Variants in BBS2 observed in about 807,000 individuals in gnomAD.
BBS2 encodes BBSome complex member BBS2.
In BBS2, 62 loss-of-function variants were observed where a neutral mutation model predicts 83.0. The observed-to-expected ratio is 0.75, with a 90% CI of 0.61 to 0.92. BBS2 has a LOEUF of 0.92. Among genes scored for constraint, BBS2 ranks in the 40% least tolerant of loss-of-function variants. The pLI, the probability that BBS2 is intolerant of heterozygous loss-of-function variation, is 0.00. For synonymous variants in BBS2, 303 were observed against 326.1 expected, an observed-to-expected ratio of 0.93 and a Z score of 0.76; for missense variants, 784 against 901.0, an observed-to-expected ratio of 0.87 and a Z score of 1.66.
At position 56,499,860 on chromosome 16, in the gene BBS2, G is replaced by A. The variant is rs1964212388; in HGVS notation, c.1445C>T (p.Ser482Phe). Residue 482 changes from serine (S) to phenylalanine (F), a missense_variant, in exon 12 of 17, where the codon TCC becomes TTC. Physicochemically the swap from Ser to Phe is radical, Grantham distance 155. Transcript: ENST00000245157. ...FESTRQLPRFSMYALTSLDPA... is the reference protein window; with the variant it reads ...FESTRQLPRFFMYALTSLDPA... ...GTCCAGGCTGGTCAGCGCATACATGGAGAATCGAGGGAGCTGTCTTGTCGA... is the reference window on the plus strand; with the variant it reads ...GTCCAGGCTGGTCAGCGCATACATGAAGAATCGAGGGAGCTGTCTTGTCGA... 6.2e-7 allele frequency: 1 copy of A among 1,614,148 alleles called. No individual in the cohort carries two copies. The highest frequency in any genetic ancestry group is 8.5e-7 in the Non-Finnish European group (1 of 1,180,022).
At chr16:56,473,234 A>G (rs140547138) in intron 17 of BBS2, among the ~76,000 whole-genome samples, 1 of 152,266 alleles carries the variant, frequency 6.6e-6, no homozygotes, top group South Asian at 2.1e-4. Context: ...CTGGCCACCA[A>G]AGCAGTTTTA....
intron 15 of BBS2, among the ~76,000 whole-genome samples, chr16:56,492,146 A>G (rs958038364): frequency 6.6e-6 from 1 of 152,140 alleles, no homozygotes. Context: ...ATGATCTAGC[A>G]ATCTCACTTC....
At chr16:56,470,939 TTTGGGAGCTTACATTCTA>T (rs1162635194) in intron 17 of BBS2, 1 of 741,242 alleles carries the variant, frequency 1.3e-6, no homozygotes, top group Non-Finnish European at 2.2e-6. Flanking sequence ...GTCTCTGGTC[TTTGGGAGCTTACATTCTA>T]GTAGAAGAAG....
downstream of BBS2, among the ~76,000 whole-genome samples, chr16:56,479,972 A>G (rs1484366089): frequency 6.6e-6 from 1 of 152,200 alleles, no homozygotes; most frequent in Non-Finnish European, 1.5e-5. Flanking sequence ...TACCCGCCCT[A>G]TGGGCTTCAA....
rs117876365 is a variant in BBS2 at position 56,476,311 on chromosome 16, A to G, written c.*1-5616T>C. 3,730 of 1,070,972 alleles carry G rather than the reference A, an allele frequency of 3.5e-3. 93 individuals are homozygous for G. The South Asian group carries it at 0.043, about 12-fold the overall frequency. 66.3% of individuals were successfully genotyped at this position (1,070,972 alleles called of 1,614,324 possible). A position where few individuals can be genotyped will look rare whatever the true frequency, so the allele number is the denominator to read the frequency against. ...AGAACTACATGGTAGCTTGCCTGAC[A>G]GTGTTCTTAAAACTGGTTGTCTTTT... On this transcript the variant is annotated intron_variant, in intron 17 of 17. Coordinates refer to the BBS2 transcript ENST00000682047.
intron 2 of BBS2, among the ~76,000 whole-genome samples, chr16:56,512,416 CA>C (rs1189371161): frequency 1.3e-5 from 2 of 152,006 alleles, no homozygotes; most frequent in African/African-American, 4.8e-5. Context: ...AAGTCTTAAA[CA>C]AAAATGGTTG....
rs368759233 is a variant in BBS2, at chr16:56,498,615, C to T, written c.1528-47G>A. 43 of 1,610,756 alleles carry T rather than the reference C, an allele frequency of 2.7e-5. No individual in the cohort carries two copies. In the Middle Eastern group the frequency reaches 4.9e-4, roughly 18 times the overall value. Reference sequence around the variant, plus strand: ...ATGACCTCCATTTTTAAGGTACAGACGTTCTTTTTTTTAATGTGCCTCTAG... The same window carrying T: ...ATGACCTCCATTTTTAAGGTACAGATGTTCTTTTTTTTAATGTGCCTCTAG... On this transcript the variant is annotated intron_variant, in intron 12 of 16. Transcript: ENST00000245157.
chr16:56,480,230 G>T (rs2144082762), downstream of BBS2, among the ~76,000 whole-genome samples: 1 of 151,442 alleles, frequency 6.6e-6, no homozygotes, highest in African/African-American at 2.4e-5. Flanking sequence ...GAAAGTTAGG[G>T]TTCCAAAAGA....
At chr16:56,481,872 C>G (rs1243133609), downstream of BBS2, among the ~76,000 whole-genome samples, 3 of 152,164 alleles carry the variant, frequency 2.0e-5, no homozygotes, top group Admixed American at 6.5e-5. Context: ...CTACTTGTTT[C>G]CAACACCTCC....
downstream of BBS2, among the ~76,000 whole-genome samples, chr16:56,480,043 A>G (rs897695256): frequency 6.6e-6 from 1 of 152,174 alleles, no homozygotes; most frequent in African/African-American, 2.4e-5. Flanking sequence ...CTTCTTCTTT[A>G]TATGTTAACC....
chr16:56,477,294 A>AC (rs1963525330), intron 17 of BBS2: 1 of 152,224 alleles, frequency 6.6e-6, no homozygotes, highest in Admixed American at 6.5e-5. Context: ...GCCTTGTTCC[A>AC]CCATGACTCT....
chr16:56,502,426 A>C lies in BBS2; in HGVS notation c.971T>G (p.Met324Arg). Residue 324 changes from methionine to arginine, a missense_variant, in exon 9 of 17, where the codon ATG becomes AGG. Physicochemically the swap from Met to Arg is moderately conservative, Grantham distance 91. Transcript: ENST00000245157. ...ACTGGTGTCCATGAGGTTGCCCCTC[A>C]TCTCAGCCGTGCCAGGCAGGTAGCC... ...IRGYLPGTAE[M>R]RGNLMDTSAE... is the part of the protein sequence containing the mutation. 2 of 1,614,218 alleles carry C rather than the reference A, an allele frequency of 1.2e-6. No individual in the cohort carries two copies. Among genetic ancestry groups the C allele is most frequent in the Non-Finnish European group, 1.7e-6 (2 of 1,180,044 alleles).
rs768698703 is a variant in BBS2 at position 56,505,953 on chromosome 16, C to A, written c.801G>T (p.Gly267=). 5.0e-6 allele frequency: 8 copies of A among 1,612,596 alleles called. No individual in the cohort carries two copies. The highest frequency in any genetic ancestry group is 6.8e-6 in the Non-Finnish European group (8 of 1,178,990). ...VNELITGWSN[G]KVDARSDRTG... ...GAACTTTGCTATTCAAACTTACCTTCCCATTGGACCAACCAGTTATCAGTT... is the reference window on the plus strand; with the variant it reads ...GAACTTTGCTATTCAAACTTACCTTACCATTGGACCAACCAGTTATCAGTT... The change falls in exon 7 of 17, where the codon GGG becomes GGT. Residue 267 remains glycine, a synonymous_variant. Coordinates refer to ENST00000245157, the MANE Select transcript of BBS2 (RefSeq NM_031885.5).
chr16:56,515,239 C>T (rs1964700681), intron 1 of BBS2, among the ~76,000 whole-genome samples: 1 of 152,090 alleles, frequency 6.6e-6, no homozygotes, highest in African/African-American at 2.4e-5. Flanking sequence ...AAGTAATTAG[C>T]CCAAAGATAA....
In BBS2 at chr16:56,511,649, G is replaced by C. The variant is rs1417331183; in HGVS notation, c.346-365C>G. On this transcript the variant is annotated intron_variant, in intron 2 of 16. Coordinates refer to ENST00000245157, the MANE Select transcript of BBS2 (RefSeq NM_031885.5). ...GGCCCACCATGCAGATTTTTGACTT[G>C]CCAGGCTCCACAACTGCATAAGCCA... is the stretch of plus-strand genomic sequence containing the variant. Among the ~76,000 whole-genome samples the C allele has an allele frequency of 3.9e-5, 6 of 152,186 alleles. No homozygotes were observed. The East Asian group carries it at 1.2e-3, about 29-fold the overall frequency.
chr16:56,511,072 T>A, intron 3 of BBS2, 87 bp downstream of exon 3: 2 of 1,580,850 alleles, frequency 1.3e-6, no homozygotes, highest in Non-Finnish European at 1.7e-6. Context: ...TTATAAATAT[T>A]ATTACTCAGT....
downstream of BBS2, among the ~76,000 whole-genome samples, chr16:56,482,351 C>T (rs1431772471): frequency 1.3e-5 from 2 of 151,882 alleles, no homozygotes; most frequent in African/African-American, 4.8e-5. Flanking sequence ...CTGTGAGGCA[C>T]ATTTATTTAT....
chr16:56,494,057 C>T (rs1964039678), intron 15 of BBS2, among the ~76,000 whole-genome samples: 1 of 151,876 alleles, frequency 6.6e-6, no homozygotes. Flanking sequence ...CTCCTAGGTT[C>T]CAGAGATCTT....
rs1394838342 is a variant in BBS2 at position 56,502,801 on chromosome 16, G to A, written c.812C>T (p.Ala271Val). The A allele has an allele frequency of 6.2e-7, 1 of 1,614,110 alleles. No homozygotes were observed. The highest frequency in any genetic ancestry group is 8.5e-7 in the Non-Finnish European group (1 of 1,180,030). ...ITGWSNGKVD[A>V]RSDRTGEVIF... ...GACCTCCCCAGTTCGGTCACTTCGA[G>A]CATCAACCTACAAATAAAACACAAA... The change falls in exon 8 of 17, where the codon GCT becomes GTT. Residue 271 changes from alanine (A) to valine (V), a missense_variant. Ala to Val is a moderately conservative substitution (Grantham distance 64). Coordinates refer to ENST00000245157, the MANE Select transcript of BBS2 (RefSeq NM_031885.5).
Sources: gnomAD v4.1 joint callset for allele counts (sites outside exome capture counted in the v4.1 genomes callset) on GRCh38, gnomAD v4.1.1 for gene constraint, MANE v1.5 for transcripts, NCBI Gene and HGNC (gene_info 2026-07-23, HGNC 2026-07-21) for gene names.